Variants in NLRP1 observed in about 807,000 individuals in gnomAD.
NLRP1 encodes the protein NLR family pyrin domain containing 1.
NLRP1 carries 94 observed loss-of-function variants against 136.7 expected under a neutral mutation model. That is an observed-to-expected ratio of 0.69 (90% CI 0.58 to 0.82). The LOEUF (loss-of-function observed/expected upper bound fraction) is 0.82, where lower values mean the gene tolerates loss of function less well. Ranked by LOEUF, NLRP1 falls within the 40% of genes least tolerant of loss-of-function variation. NLRP1 has a pLI of 0.00. For missense variants in NLRP1, 1,575 were observed against 1,802.7 expected (o/e 0.87, Z 2.29); for synonymous variants, 690 against 725.1 (o/e 0.95, Z 0.78).
At chr17:5,572,862 C>T (rs1904559623) in intron 3 of NLRP1, among the ~76,000 whole-genome samples, 1 of 152,148 alleles carries the variant, frequency 6.6e-6, no homozygotes, top group Non-Finnish European at 1.5e-5. Context: ...CGAATAGGAA[C>T]AGCTCCGGTC....
chr17:5,536,811 GGCCTGGGTCA>G, intron 8 of NLRP1, 30 bp downstream of exon 8: 1 of 1,446,428 alleles, frequency 6.9e-7, no homozygotes, highest in Non-Finnish European at 9.7e-7. Flanking sequence ...CTCAGCCCTG[GGCCTGGGTCA>G]GCCAGAGGGA....
At position 5,541,832 on chromosome 17, in the gene NLRP1, C is replaced by T; in HGVS notation, c.2699+25G>A. On this transcript the variant is annotated intron_variant, in intron 6 of 16. Coordinates refer to ENST00000572272, the MANE Select transcript of NLRP1 (RefSeq NM_033004.4). The surrounding 1 kb of genome is among the most constrained non-coding windows in gnomAD (Gnocchi z 4.2). ...TGGTGGCAGGCAGTTCCCTCCACCT[C>T]CCCCTGCCCACCAAGAACAATTACT... 1 of 1,611,132 alleles carries T rather than the reference C, an allele frequency of 6.2e-7. No individual in the cohort carries two copies. Among genetic ancestry groups the T allele is most frequent in the Non-Finnish European group, 8.5e-7 (1 of 1,178,436 alleles).
chr17:5,530,341 T>C, intron 12 of NLRP1, 140 bp downstream of exon 12: 1 of 671,870 alleles, frequency 1.5e-6, no homozygotes, highest in Admixed American at 2.7e-5. Flanking sequence ...TGCAGGAAAA[T>C]CTTAGTCCCC....
intron 12 of NLRP1, among the ~76,000 whole-genome samples, chr17:5,523,604 G>C (rs1296288441): frequency 2.0e-5 from 3 of 152,214 alleles, no homozygotes; most frequent in African/African-American, 7.2e-5. Flanking sequence ...GCCAGGCAAG[G>C]ACATTGAAGT....
intron 3 of NLRP1, among the ~76,000 whole-genome samples, chr17:5,562,289 C>T (rs1440287288): frequency 1.3e-5 from 2 of 152,242 alleles, no homozygotes; most frequent in African/African-American, 4.8e-5. Flanking sequence ...GGACAATGCC[C>T]AAGCAGGGAA....
chr17:5,577,537 C>T (rs1411120269), intron 3 of NLRP1, among the ~76,000 whole-genome samples: 3 of 152,076 alleles, frequency 2.0e-5, no homozygotes, highest in Non-Finnish European at 4.4e-5. Flanking sequence ...AAATACCTAG[C>T]AATCCAACTT....
rs1263231439 is a variant in NLRP1, at chr17:5,559,015, C to G, written c.1681G>C (p.Ala561Pro). The stretch of plus-strand genomic sequence containing the variant: ...CTGAGCTGGGGTCCCAATGGCTGAG[C>G]TTGGAGAGCCTGGGCAAGGTAATGT... ...CLHYLAQALQ[A>P]QPLGPQLRDL... is the part of the protein sequence containing the mutation. Residue 561 changes from alanine to proline, a missense_variant, in exon 4 of 17, where the codon GCT becomes CCT. Physicochemically the swap from Ala to Pro is conservative, Grantham distance 27. Coordinates refer to ENST00000572272, the MANE Select transcript of NLRP1 (RefSeq NM_033004.4). 3.7e-6 allele frequency: 6 copies of G among 1,614,136 alleles called. No homozygotes were observed. Among genetic ancestry groups the G allele is most frequent in the Non-Finnish European group, 5.1e-6 (6 of 1,180,024 alleles).
intron 4 of NLRP1, among the ~76,000 whole-genome samples, chr17:5,557,139 G>T (rs1914183134): frequency 6.6e-6 from 1 of 151,914 alleles, no homozygotes; most frequent in African/African-American, 2.4e-5. Flanking sequence ...TAATAGCTGG[G>T]ATTACAGGCG....
At chr17:5,561,213 C>T (rs1419806714) in intron 3 of NLRP1, among the ~76,000 whole-genome samples, 1 of 152,086 alleles carries the variant, frequency 6.6e-6, no homozygotes. Flanking sequence ...CCCGCCATCA[C>T]GCCAGCTAAT....
chr17:5,567,712 T>C (rs111367556), intron 3 of NLRP1, among the ~76,000 whole-genome samples: 3,654 of 152,284 alleles, frequency 0.024, 156 homozygotes, highest in African/African-American at 0.084. Context: ...CTCTTTCTGA[T>C]TGAAGTACTC....
chr17:5,527,415 G>A (rs1346886702), intron 12 of NLRP1, among the ~76,000 whole-genome samples: 1 of 152,192 alleles, frequency 6.6e-6, no homozygotes, highest in Non-Finnish European at 1.5e-5. Context: ...TGGCCACAAG[G>A]TGAGGCTCAG....
chr17:5,531,036 T>C (rs1335776438), intron 11 of NLRP1, among the ~76,000 whole-genome samples: 3 of 152,212 alleles, frequency 2.0e-5, no homozygotes, highest in Non-Finnish European at 4.4e-5. Context: ...ATGTTGATGA[T>C]GGCAATGATG....
intron 3 of NLRP1, among the ~76,000 whole-genome samples, chr17:5,566,343 G>C (rs1479854159): frequency 6.6e-6 from 1 of 151,640 alleles, no homozygotes; most frequent in African/African-American, 2.4e-5. Flanking sequence ...CATAGGTTTT[G>C]GTATATTGTG....
chr17:5,533,082 G>A, intron 10 of NLRP1, 98 bp from the exon 11 acceptor site: 1 of 1,455,024 alleles, frequency 6.9e-7, no homozygotes, highest in Non-Finnish European at 9.2e-7. Flanking sequence ...AGGCTGGCCT[G>A]CCTGGACCAT....
In NLRP1 at chr17:5,556,704, C is replaced by T. The variant is rs796469413; in HGVS notation, c.2357+1635G>A. On this transcript the variant is annotated intron_variant, in intron 4 of 16. Coordinates refer to ENST00000572272, the MANE Select transcript of NLRP1 (RefSeq NM_033004.4). ...GTGGCACAATCTCAGCTCACTGCAA[C>T]CTCTGCCCCTGACCTGTCAAGTGAT... Among the ~76,000 whole-genome samples the T allele has an allele frequency of 4.6e-5, 7 of 151,450 alleles. 1 individual carries two copies. The highest frequency in any genetic ancestry group is 1.7e-4 in the African/African-American group (7 of 41,330).
At position 5,541,259 on chromosome 17, in the gene NLRP1, T is replaced by C. The variant is rs994317389; in HGVS notation, c.2699+598A>G. 7.2e-5 allele frequency among the ~76,000 whole-genome samples: 11 copies of C among 152,192 alleles called. No individual in the cohort carries two copies. Among genetic ancestry groups the C allele is most frequent in the Admixed American group, 7.2e-4 (11 of 15,286 alleles). Reference sequence around the variant, plus strand: ...CAAGGTTTCACCATGTTGGCTAGGCTGGTCTGGAACTCCTGACCTCAAGTG... The same window carrying C: ...CAAGGTTTCACCATGTTGGCTAGGCCGGTCTGGAACTCCTGACCTCAAGTG... On this transcript the variant is annotated intron_variant, in intron 6 of 16. Coordinates refer to ENST00000572272, the MANE Select transcript of NLRP1 (RefSeq NM_033004.4). This position sits in a 1 kb window ranked among gnomAD's most constrained non-coding sequence, Gnocchi z 4.2.
Position 5,573,855 on chromosome 17 carries a change from GA to G in NLRP1, c.652+8003del, listed in dbSNP as rs547235209. On this transcript the variant is annotated intron_variant, in intron 3 of 16. Coordinates refer to ENST00000572272, the MANE Select transcript of NLRP1 (RefSeq NM_033004.4). ...AGGTAGATAAAACCACAAAGATGGGGAAAAAACTGACCAGAAAAGCTGAAAA... is the reference window on the plus strand; with the variant it reads ...AGGTAGATAAAACCACAAAGATGGGGAAAAACTGACCAGAAAAGCTGAAAA... Among the ~76,000 whole-genome samples the G allele has an allele frequency of 2.0e-3, 311 of 152,220 alleles. 1 individual carries two copies. The highest frequency in any genetic ancestry group is 7.3e-3 in the African/African-American group (302 of 41,514).
intron 5 of NLRP1, among the ~76,000 whole-genome samples, chr17:5,546,970 C>T (rs191359887): frequency 1.4e-4 from 21 of 152,234 alleles, no homozygotes; most frequent in African/African-American, 3.9e-4. Context: ...AATCAGGCCC[C>T]GGCTTACCTG....
At position 5,558,321 on chromosome 17, in the gene NLRP1, G is replaced by C; in HGVS notation, c.2357+18C>G. On this transcript the variant is annotated intron_variant, in intron 4 of 16. Coordinates refer to ENST00000572272, the MANE Select transcript of NLRP1 (RefSeq NM_033004.4). ...GACTGACAGAGGAGCTGCAGACATG[G>C]GTGGTTTGGGTACTCACAGGACTAC... is the stretch of plus-strand genomic sequence containing the variant. 1 of 1,577,006 alleles carries C rather than the reference G, an allele frequency of 6.3e-7. No homozygotes were observed. Among genetic ancestry groups the C allele is most frequent in the Non-Finnish European group, 8.6e-7 (1 of 1,161,522 alleles).
Sources: allele counts gnomAD v4.1 joint callset (sites outside exome capture counted in the v4.1 genomes callset), GRCh38; gene constraint gnomAD v4.1.1; non-coding constraint Gnocchi (gnomAD v3.1); transcripts MANE v1.5; gene names NCBI Gene and HGNC (gene_info 2026-07-23, HGNC 2026-07-21).